Variants in PTPN9 observed in about 807,000 individuals in gnomAD.
The protein encoded by PTPN9 is protein tyrosine phosphatase non-receptor type 9, also known as tyrosine-protein phosphatase non-receptor type 9.
A neutral mutation model predicts 69.8 loss-of-function variants in PTPN9; 26 were observed. That is an observed-to-expected ratio of 0.37 (90% confidence interval 0.27 to 0.52). The LOEUF is 0.52. Ranked by LOEUF, PTPN9 falls within the 20% of genes least tolerant of loss-of-function variation. The pLI, the probability that PTPN9 is intolerant of heterozygous loss-of-function variation, is 0.91. For synonymous variants in PTPN9, 274 were observed against 272.5 expected (o/e 1.01, Z -0.05); for missense variants, 549 against 740.3 (o/e 0.74, Z 3.00).
intron 9 of PTPN9, among the ~76,000 whole-genome samples, chr15:75,477,323 A>C (rs1244186365): frequency 2.0e-5 from 3 of 152,206 alleles, no homozygotes; most frequent in African/African-American, 7.2e-5. Context: ...GGCCAGGCGT[A>C]GTGGCTGATG....
chr15:75,468,144 A>G lies in PTPN9; in HGVS notation c.*625T>C, dbSNP rs1362278112. 6.5e-6 allele frequency: 1 copy of G among 152,706 alleles called. No individual in the cohort carries two copies. The highest frequency in any genetic ancestry group is 1.5e-5 in the Non-Finnish European group (1 of 68,102). 9.5% of individuals were successfully genotyped at this position (152,706 alleles called of 1,614,324 possible). On this transcript the variant is annotated 3_prime_UTR_variant, in exon 13 of 13. Transcript: ENST00000618819. ...CACGGAGCCCCAGGAACTTCTGGAA[A>G]GGAGTATCGTGTGTATATGTATTTA...
At chr15:75,518,807 A>T (rs2074885825) in intron 4 of PTPN9, among the ~76,000 whole-genome samples, 1 of 143,528 alleles carries the variant, frequency 7.0e-6, no homozygotes, top group Admixed American at 7.0e-5. Flanking sequence ...ACAGAGCGAG[A>T]CTCCATCTCA....
intron 1 of PTPN9, among the ~76,000 whole-genome samples, chr15:75,563,416 G>C (rs185398738): frequency 1.3e-3 from 202 of 152,304 alleles, no homozygotes; most frequent in African/African-American, 4.7e-3. Flanking sequence ...TCAAACTCTT[G>C]ACCTCAAGGG....
At chr15:75,490,331 T>C in intron 7 of PTPN9, 30 bp from the exon 8 acceptor site, 2 of 1,512,862 alleles carry the variant, frequency 1.3e-6, no homozygotes, top group Non-Finnish European at 1.8e-6. Flanking sequence ...CAAGCAAGAA[T>C]AAAGAAAAAG....
intron 7 of PTPN9, among the ~76,000 whole-genome samples, chr15:75,497,374 C>T (rs1370748367): frequency 6.6e-6 from 1 of 152,080 alleles, no homozygotes; most frequent in Non-Finnish European, 1.5e-5. Context: ...TACTTCTTGT[C>T]CCAGCTACTA....
chr15:75,574,877 G>T (rs1307569487), intron 1 of PTPN9, among the ~76,000 whole-genome samples: 1 of 146,112 alleles, frequency 6.8e-6, no homozygotes, highest in Admixed American at 7.1e-5. Flanking sequence ...GGGAGGCAGA[G>T]GTTGCAATGA....
At chr15:75,473,582 G>T in intron 10 of PTPN9, 107 bp downstream of exon 10, 1 of 997,124 alleles carries the variant, frequency 1.0e-6, no homozygotes, top group South Asian at 1.4e-5. Context: ...GAGCCACCGT[G>T]CCAGGCTGAC....
intron 1 of PTPN9, among the ~76,000 whole-genome samples, chr15:75,561,315 CA>C (rs948085462): frequency 5.2e-4 from 64 of 124,146 alleles, no homozygotes; most frequent in Middle Eastern, 4.4e-3. Context: ...AACTCCATCT[CA>C]AAAAAAAAAA....
chr15:75,480,318 A>G (rs1049327156), intron 8 of PTPN9, among the ~76,000 whole-genome samples: 4 of 152,132 alleles, frequency 2.6e-5, no homozygotes, highest in African/African-American at 7.2e-5. Context: ...AAAATTAAAA[A>G]CTTATGCCAG....
In PTPN9 at chr15:75,473,673, A is replaced by G. The variant is rs201687189; in HGVS notation, c.1208+16T>C. On this transcript the variant is annotated intron_variant, in intron 10 of 12. Coordinates refer to ENST00000618819, the MANE Select transcript of PTPN9 (RefSeq NM_002833.4). ...GAGTGGAGGTGGAGACCTTTGGAAA[A>G]AAGGGATTAACTCACCGGGTGGTCA... The G allele has an allele frequency of 2.4e-5, 37 of 1,537,144 alleles. No individual in the cohort carries two copies. In the African/African-American group the frequency reaches 4.9e-4, roughly 20 times the overall value.
intron 8 of PTPN9, among the ~76,000 whole-genome samples, chr15:75,489,647 T>C (rs1037734414): frequency 2.6e-5 from 4 of 152,108 alleles, no homozygotes; most frequent in African/African-American, 9.7e-5. Flanking sequence ...GTATGTAAAG[T>C]GTTTGAATAA....
chr15:75,533,131 G>C (rs2074970264), intron 1 of PTPN9, among the ~76,000 whole-genome samples: 2 of 152,178 alleles, frequency 1.3e-5, no homozygotes, highest in African/African-American at 2.4e-5. Flanking sequence ...GTTAACACCT[G>C]GCAGCTAAGG....
intron 3 of PTPN9, 27 bp from the exon 4 acceptor site, chr15:75,523,272 A>T (rs1238539668): frequency 1.2e-6 from 2 of 1,606,116 alleles, no homozygotes; most frequent in African/African-American, 1.3e-5. Context: ...AAGAAACATT[A>T]AAAAAATCAA....
chr15:75,508,131 C>A (rs1214505411), intron 6 of PTPN9, among the ~76,000 whole-genome samples: 1 of 151,022 alleles, frequency 6.6e-6, no homozygotes, highest in African/African-American at 2.4e-5. Context: ...AATGTTTTCA[C>A]TTTCATGTCC....
chr15:75,476,562 G>A (rs1245732092), intron 9 of PTPN9, among the ~76,000 whole-genome samples: 1 of 152,102 alleles, frequency 6.6e-6, no homozygotes, highest in Non-Finnish European at 1.5e-5. Flanking sequence ...TGATCTGCCC[G>A]CCTTGGCCTC....
chr15:75,533,750 T>C (rs904288642), intron 1 of PTPN9, among the ~76,000 whole-genome samples: 2 of 152,156 alleles, frequency 1.3e-5, no homozygotes, highest in Non-Finnish European at 2.9e-5. Context: ...ACACAATTCA[T>C]TAGTGTTGAA....
intron 8 of PTPN9, among the ~76,000 whole-genome samples, chr15:75,483,704 A>G (rs1567472066): frequency 6.6e-6 from 1 of 152,202 alleles, no homozygotes; most frequent in African/African-American, 2.4e-5. Flanking sequence ...TGGTATGTGA[A>G]CTGTTGGAGG....
intron 1 of PTPN9, among the ~76,000 whole-genome samples, chr15:75,558,783 G>A (rs2075088993): frequency 2.0e-5 from 3 of 152,186 alleles, no homozygotes; most frequent in Admixed American, 6.5e-5. Flanking sequence ...TGCCAGCCTC[G>A]GCCTCCCAAG....
At chr15:75,469,595 T>C (rs1273005911) in intron 12 of PTPN9, among the ~76,000 whole-genome samples, 197 bp downstream of exon 12, 1 of 152,220 alleles carries the variant, frequency 6.6e-6, no homozygotes, top group Non-Finnish European at 1.5e-5. Context: ...CCTAGAGGAC[T>C]TGGCTTGTGA....
Sources: gnomAD v4.1 joint callset for allele counts (sites outside exome capture counted in the v4.1 genomes callset) on GRCh38, gnomAD v4.1.1 for gene constraint, MANE v1.5 for transcripts, NCBI Gene and HGNC (gene_info 2026-07-23, HGNC 2026-07-21) for gene names.